The following RBFOX1 variants were observed in gnomAD, a reference collection of about 807,000 sequenced individuals.
RBFOX1 encodes RNA binding protein fox-1 homolog 1.
A neutral mutation model predicts 57.7 loss-of-function variants in RBFOX1; 8 were observed. The ratio of observed to expected loss-of-function variants is 0.14; its 90% confidence interval spans 0.08 to 0.25. RBFOX1 has a LOEUF of 0.25. Ranked by LOEUF, RBFOX1 falls within the 10% of genes least tolerant of loss-of-function variation. The pLI, the probability that RBFOX1 is intolerant of heterozygous loss-of-function variation, is 1.00. For synonymous variants in RBFOX1, 326 were observed against 222.4 expected, an observed-to-expected ratio of 1.47 and a Z score of -4.15; for missense variants, 611 against 548.5, an observed-to-expected ratio of 1.11 and a Z score of -1.14.
At chr16:5,999,894 A>C (rs1441225293) in intron 4 of RBFOX1, among the ~76,000 whole-genome samples, 1 of 81,140 alleles carries the variant, frequency 1.2e-5, no homozygotes, top group African/African-American at 4.1e-5. Context: ...AAAAAAAAAA[A>C]AAAAAAAAAA....
intron 4 of RBFOX1, among the ~76,000 whole-genome samples, chr16:7,164,406 A>G (rs1423593195): frequency 6.6e-6 from 1 of 152,196 alleles, no homozygotes; most frequent in Non-Finnish European, 1.5e-5. Flanking sequence ...TGCAATTACA[A>G]ATAGTGCTGC....
At chr16:6,702,730 C>T (rs952661687) in intron 3 of RBFOX1, among the ~76,000 whole-genome samples, 1 of 152,088 alleles carries the variant, frequency 6.6e-6, no homozygotes, top group African/African-American at 2.4e-5. Flanking sequence ...TTGTTTTAGT[C>T]TTTAGATTTT....
intron 13 of RBFOX1, among the ~76,000 whole-genome samples, chr16:7,667,818 C>T (rs12924643): frequency 0.28 from 43,250 of 151,836 alleles, 6,317 homozygotes; most frequent in East Asian, 0.4. Context: ...GGATTACAGG[C>T]GCCTACCACC....
At chr16:6,688,990 G>A (rs1207886162) in intron 3 of RBFOX1, among the ~76,000 whole-genome samples, 1 of 152,158 alleles carries the variant, frequency 6.6e-6, no homozygotes, top group Non-Finnish European at 1.5e-5. Context: ...TGGCTGCATA[G>A]TATTCCATGG....
intron 1 of RBFOX1, among the ~76,000 whole-genome samples, chr16:5,244,308 A>C: frequency 6.6e-6 from 1 of 152,228 alleles, no homozygotes; most frequent in East Asian, 1.9e-4. Context: ...GGTGCAGAGC[A>C]GAATATCACC....
At chr16:6,523,762 G>A (rs759370726) in intron 2 of RBFOX1, among the ~76,000 whole-genome samples, 23 of 152,108 alleles carry the variant, frequency 1.5e-4, no homozygotes, top group Non-Finnish European at 2.9e-4. Flanking sequence ...ATAAAAAAGC[G>A]ACTATTACAT....
intron 4 of RBFOX1, among the ~76,000 whole-genome samples, chr16:7,453,426 C>T (rs552422560): frequency 2.6e-5 from 4 of 152,134 alleles, no homozygotes; most frequent in Admixed American, 6.5e-5. Context: ...ATGGTCTTGC[C>T]GGCCATGATC....
At chr16:5,729,847 A>G (rs2052296625) in intron 3 of RBFOX1, among the ~76,000 whole-genome samples, 2 of 152,124 alleles carry the variant, frequency 1.3e-5, no homozygotes, top group Non-Finnish European at 1.5e-5. Context: ...GGAATGCCAG[A>G]CCCTTGGCTA....
At chr16:6,545,963 T>C (rs2096889097) in intron 2 of RBFOX1, among the ~76,000 whole-genome samples, 1 of 152,220 alleles carries the variant, frequency 6.6e-6, no homozygotes, top group Non-Finnish European at 1.5e-5. Context: ...AACAGGGATT[T>C]GCAATCTTTT....
chr16:5,969,633 T>C (rs948548809), intron 4 of RBFOX1, among the ~76,000 whole-genome samples: 3 of 152,070 alleles, frequency 2.0e-5, no homozygotes, highest in Non-Finnish European at 2.9e-5. Flanking sequence ...TTGTTGTTCA[T>C]TTTTAAGTGA....
At chr16:5,431,941 A>G (rs1252942309) in intron 1 of RBFOX1, among the ~76,000 whole-genome samples, 1 of 152,082 alleles carries the variant, frequency 6.6e-6, no homozygotes, top group Non-Finnish European at 1.5e-5. Flanking sequence ...CTGACGGACA[A>G]CGGAGACTTT....
At chr16:7,688,794 T>A (rs1206657244) in intron 14 of RBFOX1, among the ~76,000 whole-genome samples, 1 of 152,112 alleles carries the variant, frequency 6.6e-6, no homozygotes, top group Non-Finnish European at 1.5e-5. Context: ...CATTTCATAA[T>A]CAAGTTGTTG....
chr16:5,791,599 G>A (rs934529645), intron 3 of RBFOX1, among the ~76,000 whole-genome samples: 16 of 152,118 alleles, frequency 1.1e-4, no homozygotes, highest in Non-Finnish European at 2.2e-4. Flanking sequence ...CCAGGAACAA[G>A]GGGTCTTAAG....
intron 4 of RBFOX1, among the ~76,000 whole-genome samples, chr16:7,119,119 A>G (rs2066547571): frequency 1.3e-5 from 2 of 152,162 alleles, no homozygotes; most frequent in African/African-American, 4.8e-5. Context: ...CAAGTGTTGC[A>G]ATGTATGTGT....
Position 6,019,762 on chromosome 16 carries a change from A to G in RBFOX1, c.-357A>G. Reference sequence around the variant, plus strand: ...GAGAGTCCTTGCGCTCCAGACCCCCACCCAGTGGCCGCCAGGGTCCCCGCC... The same window carrying G: ...GAGAGTCCTTGCGCTCCAGACCCCCGCCCAGTGGCCGCCAGGGTCCCCGCC... On this transcript the variant is annotated 5_prime_UTR_variant, in exon 1 of 16. Coordinates refer to ENST00000550418, the MANE Select transcript of RBFOX1 (RefSeq NM_018723.4). The surrounding 1 kb of genome is among the most constrained non-coding windows in gnomAD (Gnocchi z 4.2). 2.8e-6 allele frequency: 4 copies of G among 1,403,550 alleles called. No individual in the cohort carries two copies. The highest frequency in any genetic ancestry group is 2.8e-6 in the Non-Finnish European group (3 of 1,078,064). The allele number at this position is 1,403,550 out of a possible 1,614,324, so 86.9% of individuals were successfully genotyped here. A position where few individuals can be genotyped will look rare whatever the true frequency, so the allele number is the denominator to read the frequency against.
At chr16:6,890,454 G>T (rs900153069) in intron 3 of RBFOX1, among the ~76,000 whole-genome samples, 6 of 152,208 alleles carry the variant, frequency 3.9e-5, no homozygotes, top group African/African-American at 1.4e-4. Context: ...AGATGGCAGA[G>T]ATTTCGGTGA....
chr16:6,619,194 C>G (rs561740777), intron 2 of RBFOX1, among the ~76,000 whole-genome samples: 3 of 152,058 alleles, frequency 2.0e-5, no homozygotes, highest in East Asian at 1.9e-4. Flanking sequence ...CTTCTGATGT[C>G]TCATGCCTCT....
At chr16:6,410,439 G>T (rs2093423040) in intron 2 of RBFOX1, among the ~76,000 whole-genome samples, 1 of 151,410 alleles carries the variant, frequency 6.6e-6, no homozygotes. Flanking sequence ...AGCCTCCCGA[G>T]TAGCTGGGAC....
intron 4 of RBFOX1, among the ~76,000 whole-genome samples, chr16:7,435,831 A>G (rs550305816): frequency 6.6e-6 from 1 of 152,180 alleles, no homozygotes; most frequent in Non-Finnish European, 1.5e-5. Context: ...TCATTCCTCC[A>G]TGCACTAAGT....
Sources: gnomAD v4.1 joint callset for allele counts (sites outside exome capture counted in the v4.1 genomes callset) on GRCh38, gnomAD v4.1.1 for gene constraint, Gnocchi (gnomAD v3.1) non-coding constraint, MANE v1.5 for transcripts, NCBI Gene and HGNC (gene_info 2026-07-23, HGNC 2026-07-21) for gene names.